TSBP1: variants seen among roughly 807,000 people sequenced by gnomAD.
TSBP1 encodes testis-expressed basic protein 1.
A neutral mutation model predicts 68.8 loss-of-function variants in TSBP1; 56 were observed. That is an observed-to-expected ratio of 0.81 (90% CI 0.66 to 1.02). The LOEUF (loss-of-function observed/expected upper bound fraction) is 1.02, where lower values mean the gene tolerates loss of function less well. Ranked by LOEUF, TSBP1 falls within the 50% of genes least tolerant of loss-of-function variation. TSBP1 has a pLI of 0.00. For missense variants in TSBP1, 502 were observed against 641.2 expected, an observed-to-expected ratio of 0.78 and a Z score of 2.34; for synonymous variants, 171 against 208.7, an observed-to-expected ratio of 0.82 and a Z score of 1.56.
Position 32,343,322 on chromosome 6 carries a change from A to C in TSBP1, c.350-3684T>G. 9.3e-7 allele frequency: 1 copy of C among 1,073,914 alleles called. No individual in the cohort carries two copies. Among genetic ancestry groups the C allele is most frequent in the South Asian group, 2.4e-5 (1 of 41,978 alleles). 66.5% of individuals were successfully genotyped at this position (1,073,914 alleles called of 1,614,324 possible). ...TTCAATAATCCATCAATTTCCCAAA[A>C]GTCTTCCCAGAAATAGTGTCCTCCC... On this transcript the variant is annotated intron_variant, in intron 9 of 22. Coordinates refer to ENST00000612031, the Ensembl canonical transcript of TSBP1. The surrounding 1 kb of genome is among the most constrained non-coding windows in gnomAD (Gnocchi z 4.3).
rs1025091160 is a variant in TSBP1 at position 32,366,155 on chromosome 6, A to G, written c.217+12T>C. On this transcript the variant is annotated intron_variant, in intron 6 of 22. Transcript: ENST00000612031. ...TTCCTTTAATTTTACAAAAATCTCTACATATACTTACCTCGGTTATCATAT... is the reference window on the plus strand; with the variant it reads ...TTCCTTTAATTTTACAAAAATCTCTGCATATACTTACCTCGGTTATCATAT... The G allele has an allele frequency of 1.2e-6, 2 of 1,602,344 alleles. No individual in the cohort carries two copies. Among genetic ancestry groups the G allele is most frequent in the Non-Finnish European group, 1.7e-6 (2 of 1,175,624 alleles).
intron 9 of TSBP1, among the ~76,000 whole-genome samples, chr6:32,348,433 T>C (rs1283930257): frequency 7.7e-6 from 1 of 130,240 alleles, no homozygotes; most frequent in Non-Finnish European, 1.7e-5. Context: ...TGGGATAAGG[T>C]TATGGCACAG....
chr6:32,332,013 T>A, intron 15 of TSBP1, 21 bp downstream of exon 16: 1 of 1,577,926 alleles, frequency 6.3e-7, no homozygotes. Flanking sequence ...AGAGATAAGT[T>A]GATATATACA....
chr6:32,330,635 A>AACACACACACACACACACACAC, intron 15 of TSBP1, 26 bp from the exon 17 acceptor site: 1 of 1,133,694 alleles, frequency 8.8e-7, no homozygotes, highest in Non-Finnish European at 1.2e-6. Flanking sequence ...AAACAAATTA[A>AACACACACACACACACACACAC]ACACACACAC....
At chr6:32,307,280 A>G (rs957736056) in intron 19 of TSBP1, among the ~76,000 whole-genome samples, 2 of 152,084 alleles carry the variant, frequency 1.3e-5, no homozygotes, top group African/African-American at 4.8e-5. Flanking sequence ...ACTTATTTCT[A>G]TATATTCTGT....
chr6:32,297,693 G>A (rs1351721856), intron 22 of TSBP1, among the ~76,000 whole-genome samples: 2 of 152,180 alleles, frequency 1.3e-5, no homozygotes, highest in African/African-American at 2.4e-5. Context: ...CTGGGATGAT[G>A]ATGTTTGTTG....
At chr6:32,319,110 A>G (rs1433496166) in intron 18 of TSBP1, among the ~76,000 whole-genome samples, 1 of 152,194 alleles carries the variant, frequency 6.6e-6, no homozygotes, top group Non-Finnish European at 1.5e-5. Context: ...TGAACTCACA[A>G]TAGCATCCTA....
At chr6:32,293,217 C>T (rs1234488834) in exon 23 of TSBP1, 1 of 1,612,784 alleles carries the variant, frequency 6.2e-7, no homozygotes. Flanking sequence ...TTTTCTTGGG[C>T]TTCCTGTCCT....
rs1205712012 is a variant in TSBP1 at position 32,343,062 on chromosome 6, A to G, written c.350-3424T>C. On this transcript the variant is annotated intron_variant, in intron 9 of 22. Coordinates refer to ENST00000612031, the Ensembl canonical transcript of TSBP1. The surrounding 1 kb of genome is among the most constrained non-coding windows in gnomAD (Gnocchi z 4.3). ...GTCTTAGAGAGGGGGAAATGTGAGA[A>G]AGGTGGGCATGATCCAGTTAAGATG... is the stretch of plus-strand genomic sequence containing the variant. Among the ~76,000 whole-genome samples, 1 of 152,158 alleles carries G rather than the reference A, an allele frequency of 6.6e-6. No individual in the cohort carries two copies. Among genetic ancestry groups the G allele is most frequent in the Non-Finnish European group, 1.5e-5 (1 of 68,034 alleles).
Position 32,315,860 on chromosome 6 carries a change from A to G in TSBP1, c.560-68T>C. ...TGGAGAAAACATAGCATTATCTAAC[A>G]TATTTTGTTGGAGTCTGTGAGGGGA... is the stretch of plus-strand genomic sequence containing the variant. On this transcript the variant is annotated intron_variant, in intron 18 of 22. Coordinates refer to ENST00000612031, the Ensembl canonical transcript of TSBP1. This position sits in a 1 kb window ranked among gnomAD's most constrained non-coding sequence, Gnocchi z 5.4. 3 of 1,088,722 alleles carry G rather than the reference A, an allele frequency of 2.8e-6. No individual in the cohort carries two copies. Among genetic ancestry groups the G allele is most frequent in the Non-Finnish European group, 4.0e-6 (3 of 756,474 alleles). 67.4% of individuals were successfully genotyped at this position (1,088,722 alleles called of 1,614,324 possible).
Position 32,301,993 on chromosome 6 carries a change from A to T in TSBP1, c.601+616T>A, listed in dbSNP as rs917891464. 8.8e-4 allele frequency among the ~76,000 whole-genome samples: 132 copies of T among 149,510 alleles called. 2 individuals carry two copies. The highest frequency in any genetic ancestry group is 3.1e-3 in the African/African-American group (127 of 40,946). ...CATAATAATAATAATAATAATAATAATATTTTGTGGCACATGAAAATTGTA... is the reference window on the plus strand; with the variant it reads ...CATAATAATAATAATAATAATAATATTATTTTGTGGCACATGAAAATTGTA... On this transcript the variant is annotated intron_variant, in intron 20 of 22. Transcript: ENST00000612031.
chr6:32,363,896 T>C (rs368888818), intron 6 of TSBP1, among the ~76,000 whole-genome samples: 13 of 152,272 alleles, frequency 8.5e-5, no homozygotes, highest in Non-Finnish European at 1.8e-4. Context: ...TTGAAGAACA[T>C]TCTCTAGCAT....
chr6:32,355,973 T>G (rs1006100751), intron 6 of TSBP1, among the ~76,000 whole-genome samples: 8 of 152,184 alleles, frequency 5.3e-5, no homozygotes, highest in Admixed American at 6.5e-5. Context: ...GGCAAGATAT[T>G]TACTCAGCTG....
rs1770238012 is a variant in TSBP1, at chr6:32,340,749, T to C, written c.350-1111A>G. On this transcript the variant is annotated intron_variant, in intron 9 of 22. Coordinates refer to ENST00000612031, the Ensembl canonical transcript of TSBP1. This position sits in a 1 kb window ranked among gnomAD's most constrained non-coding sequence, Gnocchi z 4.8. Reference sequence around the variant, plus strand: ...AGAAATGTAACACAGGTCATATATATTCCATTCCTGACCTAAAGTAATATG... The same window carrying C: ...AGAAATGTAACACAGGTCATATATACTCCATTCCTGACCTAAAGTAATATG... 6.6e-6 allele frequency among the ~76,000 whole-genome samples: 1 copy of C among 152,140 alleles called. No homozygotes were observed. The highest frequency in any genetic ancestry group is 2.4e-5 in the African/African-American group (1 of 41,428).
intron 16 of TSBP1, among the ~76,000 whole-genome samples, chr6:32,327,995 A>G (rs1425800217): frequency 1.5e-4 from 23 of 151,428 alleles, no homozygotes; most frequent in Non-Finnish European, 3.4e-4. Context: ...TAGTAGAGAC[A>G]GGGTTTCACT....
intron 9 of TSBP1, among the ~76,000 whole-genome samples, chr6:32,345,233 C>T (rs4959024): frequency 0.33 from 50,041 of 149,572 alleles, 9,431 homozygotes; most frequent in Middle Eastern, 0.52. Flanking sequence ...TTAAACTTTC[C>T]TTAGTTTCCC....
At chr6:32,323,387 A>C (rs1453727826) in intron 17 of TSBP1, 1 of 715,120 alleles carries the variant, frequency 1.4e-6, no homozygotes, top group Non-Finnish European at 2.6e-6. Flanking sequence ...GGAGATACAA[A>C]GTAAATATAT....
intron 8 of TSBP1, chr6:32,350,164 T>G: frequency 2.0e-6 from 1 of 493,204 alleles, no homozygotes; most frequent in Non-Finnish European, 4.0e-6. Context: ...TGTTTTCCCT[T>G]TGTTCGAAAA....
chr6:32,310,761 A>ATT (rs199706394), intron 19 of TSBP1, among the ~76,000 whole-genome samples: 20 of 144,806 alleles, frequency 1.4e-4, no homozygotes, highest in African/African-American at 3.3e-4. Context: ...ATATATATAT[A>ATT]TTTTTAATCT....
Sources: gnomAD v4.1 joint callset for allele counts (sites outside exome capture counted in the v4.1 genomes callset) on GRCh38, gnomAD v4.1.1 for gene constraint, Gnocchi (gnomAD v3.1) non-coding constraint, MANE v1.5 for transcripts, NCBI Gene and HGNC (gene_info 2026-07-23, HGNC 2026-07-21) for gene names.